Variants in RAP1GAP observed in about 807,000 individuals in gnomAD.
RAP1GAP encodes rap1 GTPase-activating protein 1.
Under a neutral mutation model 87.2 loss-of-function variants are expected in RAP1GAP, and 35 were observed. The observed-to-expected ratio is 0.40, with a 90% CI of 0.31 to 0.53. The LOEUF (loss-of-function observed/expected upper bound fraction) is 0.53, where lower values mean the gene tolerates loss of function less well. Among genes scored for constraint, RAP1GAP ranks in the 20% least tolerant of loss-of-function variants. The probability of loss-of-function intolerance (pLI) is 0.48; values close to 1 mark genes in which losing one functional copy is unlikely to be tolerated. For synonymous variants in RAP1GAP, 375 were observed against 363.9 expected (o/e 1.03, Z -0.35); for missense variants, 734 against 898.9 (o/e 0.82, Z 2.35).
intron 1 of RAP1GAP, among the ~76,000 whole-genome samples, chr1:21,655,434 T>C (rs887058793): frequency 2.6e-5 from 4 of 152,230 alleles, no homozygotes; most frequent in Admixed American, 6.5e-5. Context: ...TGGACCAGGC[T>C]CTGATGCTTC....
chr1:21,624,730 G>A (rs535554304), intron 3 of RAP1GAP, among the ~76,000 whole-genome samples: 5 of 152,318 alleles, frequency 3.3e-5, no homozygotes, highest in Admixed American at 3.3e-4. Flanking sequence ...CACAAACGGA[G>A]GCTTCTAGCC....
intron 1 of RAP1GAP, among the ~76,000 whole-genome samples, chr1:21,663,942 A>C (rs2097249004): frequency 6.6e-6 from 1 of 152,132 alleles, no homozygotes; most frequent in African/African-American, 2.4e-5. Context: ...GAGATACAAC[A>C]ACACACTTGA....
Position 21,606,075 on chromosome 1 carries a change from C to A in RAP1GAP, c.1419G>T (p.Ala473=), listed in dbSNP as rs1247518460. 2 of 1,582,992 alleles carry A rather than the reference C, an allele frequency of 1.3e-6. No homozygotes were observed. The highest frequency in any genetic ancestry group is 1.7e-6 in the Non-Finnish European group (2 of 1,165,312). Residue 473 remains alanine (A), a synonymous_variant, in exon 18 of 25, where the codon GCG becomes GCT. Transcript: ENST00000374765. ...GGGGGAGGGCACTCACTATTCCAGC[C>A]GCCTTGGCCAGGTCGGGGTTGTTGG... ...FAPNNPDLAK[A]AGISLIVPGK...
At chr1:21,636,926 G>GAGGGAGGGAGGGAGGA (rs2094803682) in intron 2 of RAP1GAP, among the ~76,000 whole-genome samples, 1 of 128,088 alleles carries the variant, frequency 7.8e-6, no homozygotes, top group Non-Finnish European at 1.7e-5. Flanking sequence ...GGGAGGGAGG[G>GAGGGAGGGAGGGAGGA]AGGGAGGGAG....
chr1:21,621,949 C>T (rs190014976), intron 3 of RAP1GAP, among the ~76,000 whole-genome samples: 2 of 152,358 alleles, frequency 1.3e-5, no homozygotes, highest in African/African-American at 4.8e-5. Context: ...GACGCCCTGA[C>T]ACACGCGAGG....
intron 2 of RAP1GAP, among the ~76,000 whole-genome samples, chr1:21,647,318 C>T (rs758766442): frequency 2.6e-5 from 4 of 152,066 alleles, no homozygotes; most frequent in Non-Finnish European, 4.4e-5. Flanking sequence ...AAAATAATTA[C>T]CCAGGAGTGA....
intron 2 of RAP1GAP, among the ~76,000 whole-genome samples, chr1:21,630,457 T>C (rs1010198458): frequency 1.3e-5 from 2 of 151,788 alleles, no homozygotes; most frequent in African/African-American, 4.8e-5. Context: ...GGTCTCCCTA[T>C]GTTACCCAGG....
chr1:21,598,527 G>A (rs1376562117), intron 21 of RAP1GAP, 25 bp from the exon 22 acceptor site: 12 of 1,584,602 alleles, frequency 7.6e-6, no homozygotes, highest in Non-Finnish European at 1.0e-5. Context: ...GAAAGAGGGA[G>A]GGAGGTTAGC....
At chr1:21,633,664 G>T (rs1160572054) in intron 2 of RAP1GAP, among the ~76,000 whole-genome samples, 1 of 152,104 alleles carries the variant, frequency 6.6e-6, no homozygotes, top group Non-Finnish European at 1.5e-5. Context: ...AAGGGCGGGG[G>T]AGGGGTTCAG....
At chr1:21,621,516 C>T (rs1378443343) in intron 3 of RAP1GAP, among the ~76,000 whole-genome samples, 1 of 152,240 alleles carries the variant, frequency 6.6e-6, no homozygotes, top group African/African-American at 2.4e-5. Context: ...TAAAACCCAC[C>T]ACAGGAGTCC....
At chr1:21,651,520 G>A in intron 1 of RAP1GAP, 1 of 665,398 alleles carries the variant, frequency 1.5e-6, no homozygotes, top group Non-Finnish European at 2.9e-6. Context: ...ACACAGCAAT[G>A]TCCACCCTGC....
At position 21,606,197 on chromosome 1, in the gene RAP1GAP, G is replaced by T. The variant is rs1361768968; in HGVS notation, c.1297C>A (p.Arg433=). ...GGGGFFESFK[R]VIRSRSQSMD... The stretch of plus-strand genomic sequence containing the variant: ...GACTGGCTGCGGCTCCGGATGACCC[G>T]CTGTGAAGGGGGTGGCAGTGGAGGA... The change falls in exon 18 of 25, where the codon CGG becomes AGG. Residue 433 remains arginine, a splice_region_variant and synonymous_variant. Coordinates refer to ENST00000374765, the MANE Select transcript of RAP1GAP (RefSeq NM_002885.4). The T allele has an allele frequency of 1.9e-6, 3 of 1,577,680 alleles. No homozygotes were observed. Among genetic ancestry groups the T allele is most frequent in the Admixed American group, 1.8e-5 (1 of 55,086 alleles).
intron 1 of RAP1GAP, among the ~76,000 whole-genome samples, chr1:21,657,318 C>A (rs1201584556): frequency 6.6e-6 from 1 of 152,256 alleles, no homozygotes; most frequent in Non-Finnish European, 1.5e-5. Context: ...TTAGTACATG[C>A]ATGTAAATAC....
At chr1:21,628,681 C>G (rs1331832403) in intron 2 of RAP1GAP, among the ~76,000 whole-genome samples, 2 of 151,954 alleles carry the variant, frequency 1.3e-5, no homozygotes, top group Non-Finnish European at 1.5e-5. Flanking sequence ...AATTGCGCCA[C>G]TGCACTCCAG....
chr1:21,597,761 C>G, intron 23 of RAP1GAP, 33 bp from the exon 24 acceptor site: 4 of 1,612,526 alleles, frequency 2.5e-6, no homozygotes, highest in Non-Finnish European at 3.4e-6. Context: ...AGGCAGGTGG[C>G]AAGACGGGAG....
chr1:21,610,002 C>A, intron 14 of RAP1GAP, 118 bp downstream of exon 14: 1 of 1,288,504 alleles, frequency 7.8e-7, no homozygotes, highest in East Asian at 2.5e-5. Flanking sequence ...CCATTGAAGC[C>A]TTCCATGGTC....
At chr1:21,649,488 T>A (rs1394059156) in intron 2 of RAP1GAP, among the ~76,000 whole-genome samples, 1 of 152,126 alleles carries the variant, frequency 6.6e-6, no homozygotes, top group Non-Finnish European at 1.5e-5. Context: ...ATTTCACAGA[T>A]GAGAAAATTG....
intron 1 of RAP1GAP, 35 bp from the exon 2 acceptor site, chr1:21,649,831 A>G: frequency 6.5e-7 from 1 of 1,547,720 alleles, no homozygotes; most frequent in Non-Finnish European, 8.7e-7. Flanking sequence ...AGGTGAGGGG[A>G]CATCCCTTCT....
Position 21,598,272 on chromosome 1 carries a change from G to A in RAP1GAP, c.1879+128C>T, listed in dbSNP as rs547299235. ...CCCTAGGCTGGACAATGACCTGCCC[G>A]CTGTCCTCCAAGTCAGGGGCAGTCA... On this transcript the variant is annotated intron_variant, in intron 22 of 24. Transcript: ENST00000374765. 7 of 916,548 alleles carry A rather than the reference G, an allele frequency of 7.6e-6. No individual in the cohort carries two copies. The East Asian group carries it at 1.3e-4, about 17-fold the overall frequency. The allele number at this position is 916,548 out of a possible 1,614,324, so 56.8% of individuals were successfully genotyped here.
Sources: allele counts gnomAD v4.1 joint callset (sites outside exome capture counted in the v4.1 genomes callset), GRCh38; gene constraint gnomAD v4.1.1; transcripts MANE v1.5; gene names NCBI Gene and HGNC (gene_info 2026-07-23, HGNC 2026-07-21).